SRGAP2C: variants seen among roughly 807,000 people sequenced by gnomAD.
SRGAP2C encodes SLIT-ROBO Rho GTPase activating protein 2C, also known as SLIT-ROBO Rho GTPase-activating protein 2C.
A neutral mutation model predicts 25.1 loss-of-function variants in SRGAP2C; 15 were observed. That is an observed-to-expected ratio of 0.60 (90% CI 0.40 to 0.92). The LOEUF (loss-of-function observed/expected upper bound fraction) is 0.92, where lower values mean the gene tolerates loss of function less well. SRGAP2C is among the 40% of genes least tolerant of loss of function. The pLI, the probability that SRGAP2C is intolerant of heterozygous loss-of-function variation, is 0.00. For synonymous variants in SRGAP2C, 44 were observed against 96.6 expected (o/e 0.46, Z 3.19); for missense variants, 144 against 264.4 (o/e 0.54, Z 3.16).
chr1:121,267,259 T>A (rs1656819150), intron 2 of SRGAP2C, among the ~76,000 whole-genome samples: 1 of 150,590 alleles, frequency 6.6e-6, no homozygotes, highest in South Asian at 2.1e-4. Context: ...AGCGGTGTGA[T>A]CTCGGCTCAG....
chr1:121,319,761 T>C (rs1658161866), intron 3 of SRGAP2C, among the ~76,000 whole-genome samples: 1 of 114,162 alleles, frequency 8.8e-6, no homozygotes, highest in African/African-American at 3.4e-5. Context: ...TATGATGTTT[T>C]CTTGATCTTC....
At chr1:121,294,590 GTT>G (rs1211463871) in intron 3 of SRGAP2C, among the ~76,000 whole-genome samples, 2 of 57,918 alleles carry the variant, frequency 3.5e-5, no homozygotes, top group Non-Finnish European at 3.8e-5. Flanking sequence ...TGCATTGGCT[GTT>G]TTTTTTTTTT....
chr1:121,308,045 C>G (rs1553339653), intron 3 of SRGAP2C, among the ~76,000 whole-genome samples: 6,899 of 151,870 alleles, frequency 0.045, 543 homozygotes, highest in African/African-American at 0.16. Flanking sequence ...GTTCATGGAC[C>G]CTTGGTATTC....
rs587668072 is a variant in SRGAP2C at position 121,389,181 on chromosome 1, A to C, written c.*1326A>C. ...ATGAGTAAAATATTAAAACCTATAC[A>C]AAAAAATAACAGAATGGCATTTTAG... On this transcript the variant is annotated 3_prime_UTR_variant, in exon 10 of 10. Coordinates refer to ENST00000367123, the MANE Select transcript of SRGAP2C (RefSeq NM_001329984.2). 10 of 152,194 alleles carry C rather than the reference A, an allele frequency of 6.6e-5. 1 individual carries two copies. The South Asian group carries it at 1.9e-3, about 29-fold the overall frequency. The allele number at this position is 152,194 out of a possible 1,614,324, so 9.4% of individuals were successfully genotyped here.
At chr1:121,280,623 T>G (rs1657220610) in intron 2 of SRGAP2C, among the ~76,000 whole-genome samples, 2 of 151,562 alleles carry the variant, frequency 1.3e-5, no homozygotes, top group African/African-American at 4.8e-5. Flanking sequence ...GATGTATATA[T>G]CACTCCAGGT....
intron 2 of SRGAP2C, among the ~76,000 whole-genome samples, chr1:121,282,937 C>T: frequency 6.7e-6 from 1 of 149,832 alleles, no homozygotes; most frequent in Non-Finnish European, 1.5e-5. Flanking sequence ...AGTCTGCCCA[C>T]CCAATGGCTA....
In SRGAP2C at chr1:121,315,096, G is replaced by A. The variant is rs1343001021; in HGVS notation, c.261-9382G>A. On this transcript the variant is annotated intron_variant, in intron 3 of 9. Transcript: ENST00000367123. ...TGAGGAACTGGCGGGGTGAGGCGAA[G>A]GTCTCTGGTGCAGGCGGCACGGCTC... 13 of 660,766 alleles carry A rather than the reference G, an allele frequency of 2.0e-5. 2 individuals carry two copies. The highest frequency in any genetic ancestry group is 1.6e-5 in the South Asian group (1 of 64,254). The allele number at this position is 660,766 out of a possible 1,614,324, so 40.9% of individuals were successfully genotyped here. A position where few individuals can be genotyped will look rare whatever the true frequency, so the allele number is the denominator to read the frequency against.
chr1:121,293,914 T>TCA (rs1657542470), intron 3 of SRGAP2C, among the ~76,000 whole-genome samples: 1 of 90,638 alleles, frequency 1.1e-5, no homozygotes, highest in Non-Finnish European at 2.2e-5. Context: ...TCAGTCCACA[T>TCA]GGATTCATCT....
chr1:121,323,012 GA>G (rs1658243412), intron 3 of SRGAP2C, among the ~76,000 whole-genome samples: 1 of 151,254 alleles, frequency 6.6e-6, no homozygotes, highest in African/African-American at 2.4e-5. Flanking sequence ...TTGAATTCTG[GA>G]ATTGCCACTT....
chr1:121,315,633 A>G (rs1402592591), intron 3 of SRGAP2C, among the ~76,000 whole-genome samples: 21 of 148,936 alleles, frequency 1.4e-4, no homozygotes, highest in African/African-American at 4.2e-4. Flanking sequence ...GCCAATGGAC[A>G]TACAAATTTG....
intron 2 of SRGAP2C, among the ~76,000 whole-genome samples, chr1:121,189,881 A>AT (rs1654623252): frequency 7.5e-6 from 1 of 134,100 alleles, no homozygotes; most frequent in South Asian, 2.4e-4. Context: ...AATGGATATT[A>AT]TTGTCACCTT....
At chr1:121,191,140 C>T (rs1174244525) in intron 2 of SRGAP2C, among the ~76,000 whole-genome samples, 2 of 151,682 alleles carry the variant, frequency 1.3e-5, no homozygotes, top group Non-Finnish European at 2.9e-5. Context: ...TAGCTCTTTC[C>T]AATTTACATT....
At chr1:121,335,591 G>A (rs1399475008) in intron 4 of SRGAP2C, among the ~76,000 whole-genome samples, 4 of 146,960 alleles carry the variant, frequency 2.7e-5, no homozygotes, top group Admixed American at 2.1e-4. Flanking sequence ...CTTCTCATGT[G>A]TCTGATACTA....
intron 3 of SRGAP2C, among the ~76,000 whole-genome samples, chr1:121,295,910 C>T (rs1374112952): frequency 5.9e-5 from 9 of 152,184 alleles, no homozygotes; most frequent in East Asian, 1.9e-4. Flanking sequence ...TACAGGCATG[C>T]GCCATGACGC....
intron 2 of SRGAP2C, among the ~76,000 whole-genome samples, chr1:121,227,915 A>G (rs1655722194): frequency 6.9e-6 from 1 of 145,876 alleles, no homozygotes; most frequent in Non-Finnish European, 1.5e-5. Flanking sequence ...AAGTCACACT[A>G]TATTTGCAAG....
intron 5 of SRGAP2C, among the ~76,000 whole-genome samples, chr1:121,367,076 A>G (rs1659346409): frequency 6.6e-6 from 1 of 151,600 alleles, no homozygotes; most frequent in South Asian, 2.1e-4. Flanking sequence ...TTGGCCAACT[A>G]CTTTACTGGC....
chr1:121,374,857 A>T lies in SRGAP2C; in HGVS notation c.734A>T (p.Lys245Met), dbSNP rs781956387. 2.7e-5 allele frequency: 21 copies of T among 777,460 alleles called. No homozygotes were observed. The African/African-American group carries it at 3.0e-4, about 11-fold the overall frequency. The allele number at this position is 777,460 out of a possible 1,614,324, so 48.2% of individuals were successfully genotyped here. A position where few individuals can be genotyped will look rare whatever the true frequency, so the allele number is the denominator to read the frequency against. Residue 245 changes from lysine (K) to methionine (M), a missense_variant, in exon 7 of 10, where the codon AAG becomes ATG. Physicochemically the swap from Lys to Met is moderately conservative, Grantham distance 95. Coordinates refer to ENST00000367123, the MANE Select transcript of SRGAP2C (RefSeq NM_001329984.2). ...HQAKYTENKL[K>M]AIKAQNEYLL... ...GCCAAGTACACGGAGAATAAGCTGA[A>T]GGCCATCAAAGCCCAGAATGAGTAC...
chr1:121,331,962 G>A (rs1553342197), intron 4 of SRGAP2C, among the ~76,000 whole-genome samples: 8 of 149,958 alleles, frequency 5.3e-5, no homozygotes, highest in Non-Finnish European at 8.9e-5. Flanking sequence ...GGAGTTTGTA[G>A]GGTTTTTATA....
At chr1:121,230,873 A>G (rs1330090376) in intron 2 of SRGAP2C, among the ~76,000 whole-genome samples, 1 of 151,790 alleles carries the variant, frequency 6.6e-6, no homozygotes, top group South Asian at 2.1e-4. Context: ...GAATGAGTTC[A>G]TGTCCTTTGC....
Sources: allele counts gnomAD v4.1 joint callset (sites outside exome capture counted in the v4.1 genomes callset), GRCh38; gene constraint gnomAD v4.1.1; transcripts MANE v1.5; gene names NCBI Gene and HGNC (gene_info 2026-07-23, HGNC 2026-07-21).